Variants in ZMYND8 observed in about 807,000 individuals in gnomAD.
ZMYND8 encodes the protein zinc finger MYND-type containing 8.
A neutral mutation model predicts 140.8 loss-of-function variants in ZMYND8; 37 were observed. The ratio of observed to expected loss-of-function variants is 0.26; its 90% CI spans 0.20 to 0.35. The LOEUF (loss-of-function observed/expected upper bound fraction) is 0.35. Ranked by LOEUF, ZMYND8 falls within the 10% of genes least tolerant of loss-of-function variation. The pLI is 1.00. For synonymous variants in ZMYND8, 592 were observed against 597.1 expected (o/e 0.99, Z 0.12); for missense variants, 1,068 against 1,570.0 (o/e 0.68, Z 5.40).
At chr20:47,344,311 T>C (rs564235550) in intron 2 of ZMYND8, among the ~76,000 whole-genome samples, 1 of 152,112 alleles carries the variant, frequency 6.6e-6, no homozygotes, top group Non-Finnish European at 1.5e-5. Context: ...ATACATACCC[T>C]TGATGTGATA....
At position 47,210,429 on chromosome 20, in the gene ZMYND8, A is replaced by ATTGTTTTTTTTTTTTTTTTTTTTTTTTT. The variant is rs2035079005; in HGVS notation, c.*331_*332insAAAAAAAAAAAAAAAAAAAAAAAAACAA. On this transcript the variant is annotated 3_prime_UTR_variant, in exon 23 of 23. Transcript: ENST00000471951. ...GTTGGTTGCTTTTTTTTTTTTTTTT[A>ATTGTTTTTTTTTTTTTTTTTTTTTTTTT]AATCGTTTTTCTTTTTCTTTTTTTT... is the stretch of plus-strand genomic sequence containing the variant. The ATTGTTTTTTTTTTTTTTTTTTTTTTTTT allele has an allele frequency of 7.3e-6, 1 of 137,880 alleles. No homozygotes were observed. Among genetic ancestry groups the ATTGTTTTTTTTTTTTTTTTTTTTTTTTT allele is most frequent in the African/African-American group, 3.3e-5 (1 of 30,434 alleles). 8.5% of individuals were successfully genotyped at this position (137,880 alleles called of 1,614,324 possible).
chr20:47,219,043 C>G (rs899663511), intron 21 of ZMYND8, among the ~76,000 whole-genome samples: 23 of 137,080 alleles, frequency 1.7e-4, no homozygotes, highest in Middle Eastern at 3.8e-3. Context: ...ATGGCAAAAC[C>G]CCGTTTCTAC....
intron 2 of ZMYND8, among the ~76,000 whole-genome samples, chr20:47,315,173 C>T (rs946704404): frequency 6.6e-6 from 1 of 152,180 alleles, no homozygotes; most frequent in African/African-American, 2.4e-5. Context: ...AAGGGACTAT[C>T]ACCCAAGCCC....
chr20:47,250,702 G>A (rs2074100493), intron 12 of ZMYND8, among the ~76,000 whole-genome samples: 1 of 152,186 alleles, frequency 6.6e-6, no homozygotes, highest in African/African-American at 2.4e-5. Flanking sequence ...CCACTTTCCT[G>A]TTCATGCAGT....
chr20:47,306,553 G>A (rs767396661), intron 3 of ZMYND8, among the ~76,000 whole-genome samples: 9 of 149,844 alleles, frequency 6.0e-5, no homozygotes, highest in Non-Finnish European at 1.2e-4. Flanking sequence ...ACCAAAAATG[G>A]AAATATATGG....
At chr20:47,348,036 C>T (rs886201722) in intron 1 of ZMYND8, 110 bp from the exon 2 acceptor site, 16 of 1,051,944 alleles carry the variant, frequency 1.5e-5, no homozygotes, top group Non-Finnish European at 2.3e-5. Context: ...ATTCCCTCAT[C>T]CTTATCCAGG....
intron 21 of ZMYND8, 57 bp from the exon 22 acceptor site, chr20:47,212,782 A>C (rs2035477777): frequency 6.8e-7 from 1 of 1,470,060 alleles, no homozygotes; most frequent in African/African-American, 1.4e-5. Flanking sequence ...ATTCCGCACA[A>C]CCCCAAGTGC....
chr20:47,340,447 A>G (rs1298607158), intron 2 of ZMYND8, among the ~76,000 whole-genome samples: 3 of 151,698 alleles, frequency 2.0e-5, no homozygotes, highest in African/African-American at 7.3e-5. Flanking sequence ...ACTGTGAATA[A>G]CCACTGCACT....
chr20:47,269,602 A>G (rs6066261), intron 11 of ZMYND8, among the ~76,000 whole-genome samples: 36,569 of 152,160 alleles, frequency 0.24, 4,777 homozygotes, highest in Non-Finnish European at 0.3. Context: ...GAAACACATC[A>G]TTTATTATCT....
intron 2 of ZMYND8, among the ~76,000 whole-genome samples, chr20:47,337,307 G>C (rs1265046624): frequency 2.0e-5 from 3 of 151,868 alleles, no homozygotes; most frequent in African/African-American, 7.3e-5. Context: ...AGCCGAGATA[G>C]GCACTCCAGC....
At chr20:47,314,999 T>C (rs2079265603) in intron 2 of ZMYND8, among the ~76,000 whole-genome samples, 1 of 152,194 alleles carries the variant, frequency 6.6e-6, no homozygotes, top group African/African-American at 2.4e-5. Context: ...CATGGAGTCA[T>C]AGCTTCCTTC....
intron 10 of ZMYND8, among the ~76,000 whole-genome samples, chr20:47,277,493 G>A (rs952831133): frequency 3.3e-5 from 5 of 152,238 alleles, no homozygotes; most frequent in South Asian, 4.2e-4. Flanking sequence ...CCGCTGCTGC[G>A]GGTGACCACG....
At chr20:47,317,270 C>T (rs1288456831) in intron 2 of ZMYND8, among the ~76,000 whole-genome samples, 1 of 152,174 alleles carries the variant, frequency 6.6e-6, no homozygotes, top group Non-Finnish European at 1.5e-5. Context: ...GCACATTCAC[C>T]TCCCAATTTC....
At chr20:47,351,824 T>C in intron 1 of ZMYND8, 3 of 985,432 alleles carry the variant, frequency 3.0e-6, no homozygotes, top group Non-Finnish European at 2.4e-6. Flanking sequence ...GTTTGTTCAA[T>C]AGCTGTAGCT....
chr20:47,294,302 A>G (rs968949300), intron 5 of ZMYND8, among the ~76,000 whole-genome samples: 10 of 152,068 alleles, frequency 6.6e-5, no homozygotes, highest in Admixed American at 3.9e-4. Context: ...CAGTGAGCCA[A>G]CATCACACCA....
intron 2 of ZMYND8, among the ~76,000 whole-genome samples, chr20:47,311,637 A>G (rs544486804): frequency 1.9e-4 from 29 of 151,880 alleles, no homozygotes; most frequent in African/African-American, 6.5e-4. Context: ...AAAAGTTTTC[A>G]CGAACAATGG....
chr20:47,294,496 A>T (rs2077517787), intron 5 of ZMYND8, among the ~76,000 whole-genome samples, 170 bp downstream of exon 5: 1 of 152,256 alleles, frequency 6.6e-6, no homozygotes, highest in Admixed American at 6.5e-5. Flanking sequence ...TACGACAGAG[A>T]ATTAACTGAA....
intron 11 of ZMYND8, among the ~76,000 whole-genome samples, chr20:47,272,549 T>A (rs932317529): frequency 1.3e-5 from 2 of 151,666 alleles, no homozygotes; most frequent in African/African-American, 4.9e-5. Context: ...GGCCAGGAGG[T>A]CTATATAAAG....
intron 13 of ZMYND8, among the ~76,000 whole-genome samples, chr20:47,247,678 C>A (rs2040735986): frequency 1.3e-5 from 2 of 152,170 alleles, no homozygotes; most frequent in Non-Finnish European, 2.9e-5. Context: ...AGAGCAATGG[C>A]CACTGTGAAT....
Sources: gnomAD v4.1 joint callset for allele counts (sites outside exome capture counted in the v4.1 genomes callset) on GRCh38, gnomAD v4.1.1 for gene constraint, MANE v1.5 for transcripts, NCBI Gene and HGNC (gene_info 2026-07-23, HGNC 2026-07-21) for gene names.